The following HBP1 variants were observed in gnomAD, a reference collection of about 807,000 sequenced individuals.
HBP1 encodes HMG box-containing protein 1.
In HBP1, 20 loss-of-function variants were observed where a neutral mutation model predicts 62.6. The ratio of observed to expected loss-of-function variants is 0.32; its 90% CI spans 0.22 to 0.46. The LOEUF (loss-of-function observed/expected upper bound fraction) is 0.46, where lower values mean the gene tolerates loss of function less well. HBP1 is among the 20% of genes least tolerant of loss of function. HBP1 has a pLI of 1.00. For synonymous variants in HBP1, 232 were observed against 206.2 expected (o/e 1.12, Z -1.07); for missense variants, 480 against 611.8 (o/e 0.78, Z 2.27).
chr7:107,181,024 G>C (rs569944831), intron 2 of HBP1, among the ~76,000 whole-genome samples: 1 of 152,224 alleles, frequency 6.6e-6, no homozygotes, highest in South Asian at 2.1e-4. Context: ...ATAAATGTTG[G>C]TCAAAGGCAG....
At position 107,185,939 on chromosome 7, in the gene HBP1, A is replaced by G. The variant is rs1797337680; in HGVS notation, c.537A>G (p.Glu179=). The change falls in exon 4 of 11, where the codon GAA becomes GAG. Residue 179 remains glutamate, a synonymous_variant. Transcript: ENST00000222574. ...HWKEETPVRH[E]RANSESESGI... is the part of the protein sequence containing the mutation. ...AGGAGGAAACACCAGTAAGACACGA[A>G]AGGGTAAGTTTATTTATGAGGTTAA... 6.2e-7 allele frequency: 1 copy of G among 1,610,714 alleles called. No homozygotes were observed. The highest frequency in any genetic ancestry group is 1.1e-5 in the South Asian group (1 of 90,998).
chr7:107,173,709 C>T (rs927452605), intron 1 of HBP1: 2 of 152,080 alleles, frequency 1.3e-5, no homozygotes, highest in African/African-American at 4.8e-5. Flanking sequence ...GTTTGCATAC[C>T]AAAAGCAATG....
intron 1 of HBP1, among the ~76,000 whole-genome samples, chr7:107,175,698 G>A (rs1796804521): frequency 6.6e-6 from 1 of 151,608 alleles, no homozygotes; most frequent in East Asian, 1.9e-4. Flanking sequence ...TTCTCTCATT[G>A]GGAGACCTCC....
chr7:107,180,097 T>A, intron 2 of HBP1, 35 bp downstream of exon 2: 1 of 1,362,538 alleles, frequency 7.3e-7, no homozygotes, highest in Non-Finnish European at 1.0e-6. Context: ...GAAATCTCAC[T>A]AAGATTCAGA....
rs374693805 is a variant in HBP1 at position 107,171,046 on chromosome 7, A to AATATATAT, written c.-16+1882_-16+1889dup. Among the ~76,000 whole-genome samples, 90 of 60,524 alleles carry AATATATAT rather than the reference A, an allele frequency of 1.5e-3. 2 individuals carry two copies. The highest frequency in any genetic ancestry group is 2.9e-3 in the East Asian group (8 of 2,806). 39.7% of individuals were successfully genotyped at this position (60,524 alleles called of 152,430 possible). ...AAAATATATAACATATACATGTATA[A>AATATATAT]ATATATATATATATATATATATATA... On this transcript the variant is annotated intron_variant, in intron 1 of 10. Coordinates refer to ENST00000222574, the MANE Select transcript of HBP1 (RefSeq NM_012257.4).
chr7:107,195,726 C>T (rs1002954581), intron 8 of HBP1, 108 bp from the exon 9 acceptor site: 4 of 549,744 alleles, frequency 7.3e-6, no homozygotes, highest in Non-Finnish European at 1.2e-5. Flanking sequence ...GGGAAATGCA[C>T]TGAAATTTCC....
chr7:107,181,885 G>A (rs1213516367), intron 2 of HBP1, among the ~76,000 whole-genome samples: 1 of 151,784 alleles, frequency 6.6e-6, no homozygotes, highest in African/African-American at 2.4e-5. Context: ...TTGCCTTTTA[G>A]GAATGCACTT....
At chr7:107,169,439 G>C (rs62483623) in intron 1 of HBP1, among the ~76,000 whole-genome samples, 31,346 of 146,720 alleles carry the variant, frequency 0.21, 3,960 homozygotes, top group East Asian at 0.31. Context: ...GGCAGGGGGA[G>C]GGCGAAGTTC....
Position 107,201,441 on chromosome 7 carries a change from C to A in HBP1, c.*10C>A. 1 of 1,556,780 alleles carries A rather than the reference C, an allele frequency of 6.4e-7. No individual in the cohort carries two copies. ...CTCACAACAACATTAAACCAGGATG[C>A]TTATGTTCTTAAGTCTATATTTGCA... On this transcript the variant is annotated 3_prime_UTR_variant, in exon 11 of 11. Transcript: ENST00000222574.
rs144013264 is a variant in HBP1 at position 107,184,389 on chromosome 7, T to C, written c.399-1412T>C. Among the ~76,000 whole-genome samples the C allele has an allele frequency of 4.7e-3, 711 of 152,326 alleles. 3 individuals carry two copies. The highest frequency in any genetic ancestry group is 0.016 in the African/African-American group (680 of 41,576). ...GTGAACATGAAAGTATAGATCCTTA[T>C]GTAAAAGTAATTTCTGGAAAGGTAA... On this transcript the variant is annotated intron_variant, in intron 3 of 10. Coordinates refer to ENST00000222574, the MANE Select transcript of HBP1 (RefSeq NM_012257.4).
intron 1 of HBP1, chr7:107,174,718 A>C: frequency 1.0e-6 from 1 of 984,606 alleles, no homozygotes; most frequent in South Asian, 4.7e-5. Context: ...ATACCTGTGT[A>C]GTGCAGCTTC....
chr7:107,196,045 A>G lies in HBP1; in HGVS notation c.1279A>G (p.Ser427Gly). The change falls in exon 9 of 11, where the codon AGT (serine) becomes GGT (glycine). Residue 427 changes from serine to glycine, a missense_variant. By Grantham distance (56) the Ser-to-Gly change is moderately conservative (BLOSUM62 0). This residue lies in a region of HBP1 where 66 missense variants were observed against 56.4 expected (regional missense o/e 1.17). Transcript: ENST00000222574. ...CAAAAACCACAGCTCAGGGACTGTG[A>G]GTGCCACTTCTCCTAATAAGTGCAA... ...AVKNHSSGTV[S>G]ATSPNKCKRP... is the part of the protein sequence containing the mutation. 1 of 1,613,298 alleles carries G rather than the reference A, an allele frequency of 6.2e-7. No homozygotes were observed. Among genetic ancestry groups the G allele is most frequent in the South Asian group, 1.1e-5 (1 of 91,078 alleles).
At chr7:107,169,215 G>A (rs887988039) in intron 1 of HBP1, 30 bp downstream of exon 1, 1 of 911,664 alleles carries the variant, frequency 1.1e-6, no homozygotes, top group South Asian at 2.0e-5. Context: ...GGGAAGAGGT[G>A]GGGGTGGGGA....
In HBP1 at chr7:107,200,137, T is replaced by C. The variant is rs76568990; in HGVS notation, c.1386-23T>C. ...TTATGAAAAATGTGTGCTTTCAGCA[T>C]TGTGTAAATATTTATTTTACAGAGC... On this transcript the variant is annotated intron_variant, in intron 9 of 10. Coordinates refer to ENST00000222574, the MANE Select transcript of HBP1 (RefSeq NM_012257.4). The C allele has an allele frequency of 1.5e-3, 2,261 of 1,524,120 alleles. 26 individuals are homozygous for C. The African/African-American group carries it at 0.024, about 16-fold the overall frequency. 94.4% of individuals were successfully genotyped at this position (1,524,120 alleles called of 1,614,324 possible).
At chr7:107,186,147 C>CTTTTTTTTTT (rs961142033) in intron 4 of HBP1, among the ~76,000 whole-genome samples, 3 of 135,148 alleles carry the variant, frequency 2.2e-5, no homozygotes, top group African/African-American at 8.4e-5. Flanking sequence ...TTGTGTGTGT[C>CTTTTTTTTTT]TTTTTTTTCT....
intron 2 of HBP1, among the ~76,000 whole-genome samples, chr7:107,182,083 C>T (rs1171770902): frequency 6.6e-6 from 1 of 151,916 alleles, no homozygotes; most frequent in African/African-American, 2.4e-5. Context: ...GTAATAAGTC[C>T]ATATTGCACA....
intron 1 of HBP1, among the ~76,000 whole-genome samples, chr7:107,175,549 A>ATAG (rs145285700): frequency 0.02 from 3,028 of 151,720 alleles, 102 homozygotes; most frequent in African/African-American, 0.067. Context: ...ACCTTTCCAT[A>ATAG]TAGTAGTAGT....
At chr7:107,200,440 T>C in intron 10 of HBP1, 139 bp downstream of exon 10, 1 of 542,612 alleles carries the variant, frequency 1.8e-6, no homozygotes, top group South Asian at 3.5e-5. Context: ...AACCTAATAA[T>C]GTTATCACAT....
chr7:107,174,642 G>A, intron 1 of HBP1: 1 of 984,622 alleles, frequency 1.0e-6, no homozygotes, highest in Non-Finnish European at 1.2e-6. Flanking sequence ...AAGACAGACT[G>A]CAGCTGTGCT....
Sources: gnomAD v4.1 joint callset for allele counts (sites outside exome capture counted in the v4.1 genomes callset) on GRCh38, gnomAD v4.1.1 for gene constraint, gnomAD v4.1.1 regional missense constraint, MANE v1.5 for transcripts, NCBI Gene and HGNC (gene_info 2026-07-23, HGNC 2026-07-21) for gene names.